STON1: variants seen among roughly 807,000 people sequenced by gnomAD.
STON1 encodes stonin-1.
STON1 carries 79 observed loss-of-function variants against 60.9 expected under a neutral mutation model. That is an observed-to-expected ratio of 1.30 (90% confidence interval 1.08 to 1.56). The LOEUF is 1.56. STON1 is among the 40% of genes most tolerant of loss of function. The probability of loss-of-function intolerance (pLI) is 0.00; values close to 1 mark genes in which losing one functional copy is unlikely to be tolerated. For synonymous variants in STON1, 363 were observed against 306.9 expected (o/e 1.18, Z -1.91); for missense variants, 1,166 against 858.9 (o/e 1.36, Z -4.47).
intron 2 of STON1, among the ~76,000 whole-genome samples, chr2:48,590,662 A>G (rs577352283): frequency 0.24 from 2,375 of 9,794 alleles, 61 homozygotes; most frequent in African/African-American, 0.4. Flanking sequence ...CACACACACT[A>G]TATGACCCCC....
intron 1 of STON1, among the ~76,000 whole-genome samples, chr2:48,572,534 C>A (rs1225042505): frequency 2.0e-5 from 3 of 152,098 alleles, no homozygotes; most frequent in Non-Finnish European, 2.9e-5. Flanking sequence ...GGCTTGATTT[C>A]TTTTCTCCTG....
At chr2:48,564,524 T>C (rs1483450763) in intron 1 of STON1, among the ~76,000 whole-genome samples, 36 of 39,570 alleles carry the variant, frequency 9.1e-4, no homozygotes, top group Admixed American at 1.4e-3. Context: ...TTCTTCTTCT[T>C]CTTCTTCTTC....
chr2:48,581,313 A>G lies in STON1; in HGVS notation c.680A>G (p.Asn227Ser). The G allele has an allele frequency of 6.5e-7, 1 of 1,530,262 alleles. No homozygotes were observed. The highest frequency in any genetic ancestry group is 8.8e-7 in the Non-Finnish European group (1 of 1,142,624). 94.8% of individuals were successfully genotyped at this position (1,530,262 alleles called of 1,614,324 possible). Residue 227 changes from asparagine (N) to serine (S), a missense_variant, in exon 2 of 4, where the codon AAC (asparagine) becomes AGC (serine). Asn to Ser is a conservative substitution (Grantham distance 46). Transcript: ENST00000404752. The stretch of plus-strand genomic sequence containing the variant: ...AAAAGCCTAAATAAGTGTTCACTCA[A>G]CTATATCTGTGAGAAGCTTGAACAT... Reference protein sequence around the residue: ...DQKSLNKCSLNYICEKLEHLQ... With the variant: ...DQKSLNKCSLSYICEKLEHLQ...
At position 48,590,721 on chromosome 2, in the gene STON1, C is replaced by A. The variant is rs185309422; in HGVS notation, c.1931-932C>A. On this transcript the variant is annotated intron_variant, in intron 2 of 3. Coordinates refer to ENST00000404752, the MANE Select transcript of STON1 (RefSeq NM_006873.4). ...CAGTATCTCTGGGTCTGGCACTGAA[C>A]CTGGCCTGGCATAGCACAGATGCTC... is the stretch of plus-strand genomic sequence containing the variant. Among the ~76,000 whole-genome samples the A allele has an allele frequency of 4.0e-5, 6 of 150,646 alleles. No homozygotes were observed. In the East Asian group the frequency reaches 1.2e-3, roughly 29 times the overall value.
rs1423544836 is a variant in STON1, at chr2:48,564,411, T to TTCTTCTTCTTCC, written c.-47-16165_-47-16164insCTCTTCTTCTTC. On this transcript the variant is annotated intron_variant, in intron 1 of 3. Transcript: ENST00000404752. ...CTCCAGTGGCAGTGGCGGTGTCTTC[T>TTCTTCTTCTTCC]TCTTCTTCTTCTTCTTCTTCTTCTT... Among the ~76,000 whole-genome samples, 188 of 33,240 alleles carry TTCTTCTTCTTCC rather than the reference T, an allele frequency of 5.7e-3. 1 individual carries two copies. The highest frequency in any genetic ancestry group is 0.01 in the Middle Eastern group (1 of 96). 21.8% of individuals were successfully genotyped at this position (33,240 alleles called of 152,430 possible). A position where few individuals can be genotyped will look rare whatever the true frequency, so the allele number is the denominator to read the frequency against.
intron 1 of STON1, among the ~76,000 whole-genome samples, chr2:48,545,947 C>G (rs1375447140): frequency 1.3e-5 from 2 of 152,172 alleles, no homozygotes; most frequent in South Asian, 2.1e-4. Context: ...TGCAGTTCTG[C>G]AAAGCTTTGG....
rs774517952 is a variant in STON1, at chr2:48,580,596, A to G, written c.-38A>G. ...TTTATTTTTTTAACAGAGTCAACCT[A>G]TTTGATTTCTTGACAAGACCACAAT... On this transcript the variant is annotated 5_prime_UTR_variant, in exon 2 of 4. Transcript: ENST00000404752. 1.1e-5 allele frequency: 14 copies of G among 1,322,330 alleles called. No individual in the cohort carries two copies. The highest frequency in any genetic ancestry group is 1.4e-5 in the Non-Finnish European group (14 of 1,027,648). The allele number at this position is 1,322,330 out of a possible 1,614,324, so 81.9% of individuals were successfully genotyped here.
intron 2 of STON1, among the ~76,000 whole-genome samples, chr2:48,585,173 A>G (rs943179273): frequency 6.6e-6 from 1 of 152,128 alleles, no homozygotes; most frequent in African/African-American, 2.4e-5. Context: ...GCACATTCTG[A>G]TCAACTCTGC....
chr2:48,552,134 G>C (rs184450409), intron 1 of STON1, among the ~76,000 whole-genome samples: 1 of 152,360 alleles, frequency 6.6e-6, no homozygotes, highest in East Asian at 1.9e-4. Flanking sequence ...ACAAAATGGG[G>C]CATGTCCATG....
intron 1 of STON1, among the ~76,000 whole-genome samples, chr2:48,556,921 C>A (rs1311503809): frequency 1.2e-4 from 1 of 8,168 alleles, no homozygotes; most frequent in Non-Finnish European, 2.5e-4. Flanking sequence ...TAGGGGCGGC[C>A]GGGCAGAGGC....
At chr2:48,590,116 A>C (rs1209407198) in intron 2 of STON1, among the ~76,000 whole-genome samples, 1 of 152,218 alleles carries the variant, frequency 6.6e-6, no homozygotes, top group Non-Finnish European at 1.5e-5. Flanking sequence ...CACTGCAGAC[A>C]GAGGACTAAA....
intron 2 of STON1, among the ~76,000 whole-genome samples, chr2:48,584,456 C>CAA (rs1674081798): frequency 6.6e-6 from 1 of 151,832 alleles, no homozygotes; most frequent in Non-Finnish European, 1.5e-5. Context: ...TTAGTAGAGA[C>CAA]GGGGTTTTCC....
chr2:48,533,845 T>C (rs757257122), intron 1 of STON1, among the ~76,000 whole-genome samples: 2 of 150,018 alleles, frequency 1.3e-5, no homozygotes, highest in African/African-American at 2.5e-5. Context: ...TCTCAGCTTA[T>C]CGCAACCTCC....
chr2:48,568,661 T>G (rs13025488), intron 1 of STON1, among the ~76,000 whole-genome samples: 50,108 of 152,044 alleles, frequency 0.33, 8,409 homozygotes, highest in East Asian at 0.42. Flanking sequence ...GGACAGTCAG[T>G]TGATGCAGTC....
intron 1 of STON1, among the ~76,000 whole-genome samples, chr2:48,566,844 G>T (rs530417805): frequency 6.6e-6 from 1 of 152,160 alleles, no homozygotes; most frequent in Non-Finnish European, 1.5e-5. Flanking sequence ...TTGTGGTGGT[G>T]TGGCCTCGAG....
chr2:48,550,553 A>C (rs539127818), intron 1 of STON1, among the ~76,000 whole-genome samples: 57 of 148,686 alleles, frequency 3.8e-4, no homozygotes, highest in African/African-American at 1.4e-3. Context: ...ATGAGGATAT[A>C]TATGTGTGTG....
chr2:48,586,023 G>A (rs1674188079), intron 2 of STON1, among the ~76,000 whole-genome samples: 1 of 152,246 alleles, frequency 6.6e-6, no homozygotes, highest in South Asian at 2.1e-4. Context: ...CATTCCTATT[G>A]CTCTACTTAG....
intron 1 of STON1, among the ~76,000 whole-genome samples, chr2:48,548,662 C>T (rs1671961393): frequency 6.6e-6 from 1 of 151,942 alleles, no homozygotes; most frequent in African/African-American, 2.4e-5. Flanking sequence ...GCATGCCTGC[C>T]TAATTTTTGC....
intron 1 of STON1, among the ~76,000 whole-genome samples, chr2:48,551,556 G>A (rs1202756857): frequency 6.6e-6 from 1 of 152,212 alleles, no homozygotes; most frequent in African/African-American, 2.4e-5. Flanking sequence ...TTCTGGGGAC[G>A]GGGCGCTTTG....
Sources: allele counts gnomAD v4.1 joint callset (sites outside exome capture counted in the v4.1 genomes callset), GRCh38; gene constraint gnomAD v4.1.1; transcripts MANE v1.5; gene names NCBI Gene and HGNC (gene_info 2026-07-23, HGNC 2026-07-21).